ARHGAP17: variants seen among roughly 807,000 people sequenced by gnomAD.
The protein encoded by ARHGAP17 is rho GTPase-activating protein 17.
Under a neutral mutation model 99.5 loss-of-function variants are expected in ARHGAP17, and 57 were observed. That is an observed-to-expected ratio of 0.57 (90% CI 0.46 to 0.71). The LOEUF (loss-of-function observed/expected upper bound fraction) is 0.71, where lower values mean the gene tolerates loss of function less well. Ranked by LOEUF, ARHGAP17 falls within the 30% of genes least tolerant of loss-of-function variation. The pLI is 0.00. For synonymous variants in ARHGAP17, 417 were observed against 429.6 expected, an observed-to-expected ratio of 0.97 and a Z score of 0.36; for missense variants, 1,000 against 1,122.4, an observed-to-expected ratio of 0.89 and a Z score of 1.56.
chr16:24,945,652 C>A (rs1285853796), intron 14 of ARHGAP17, among the ~76,000 whole-genome samples: 2 of 152,204 alleles, frequency 1.3e-5, no homozygotes, highest in Non-Finnish European at 2.9e-5. Flanking sequence ...AGTAAAATTT[C>A]TTGCTCCTTT....
chr16:24,938,829 AC>A (rs2051221835), intron 17 of ARHGAP17, among the ~76,000 whole-genome samples: 1 of 151,792 alleles, frequency 6.6e-6, no homozygotes, highest in Admixed American at 6.6e-5. Context: ...TCCACCTTGG[AC>A]TCATGGATCA....
At chr16:24,976,526 C>T (rs1192891044) in intron 3 of ARHGAP17, among the ~76,000 whole-genome samples, 1 of 148,276 alleles carries the variant, frequency 6.7e-6, no homozygotes, top group Admixed American at 6.8e-5. Context: ...GAGACCCTGT[C>T]AGGAAAGAAA....
chr16:25,011,092 T>C (rs1211863520), intron 1 of ARHGAP17, among the ~76,000 whole-genome samples: 1 of 152,178 alleles, frequency 6.6e-6, no homozygotes, highest in East Asian at 1.9e-4. Context: ...ACTCAAGACA[T>C]CATCTCCCCA....
chr16:24,935,821 G>C (rs2051125089), intron 17 of ARHGAP17, 182 bp from the exon 18 acceptor site: 1 of 681,968 alleles, frequency 1.5e-6, no homozygotes, highest in Non-Finnish European at 2.5e-6. Flanking sequence ...GCCATATAAA[G>C]AGCTAATGTT....
rs1002745202 is a variant in ARHGAP17, at chr16:24,953,106, G to A, written c.853-64C>T. On this transcript the variant is annotated intron_variant, in intron 10 of 19. Coordinates refer to ENST00000289968, the MANE Select transcript of ARHGAP17 (RefSeq NM_001006634.3). ...TGGGACACTCAGACTAAGTGGCAGT[G>A]TGTTCTGATGGGTATTTCCTGACTT... 50 of 1,433,188 alleles carry A rather than the reference G, an allele frequency of 3.5e-5. 1 individual carries two copies. The highest frequency in any genetic ancestry group is 1.8e-4 in the Middle Eastern group (1 of 5,630). 88.8% of individuals were successfully genotyped at this position (1,433,188 alleles called of 1,614,324 possible). A position where few individuals can be genotyped will look rare whatever the true frequency, so the allele number is the denominator to read the frequency against.
rs772966565 is a variant in ARHGAP17 at position 24,943,832 on chromosome 16, G to A, written c.1272C>T (p.Ser424=). 1.5e-5 allele frequency: 25 copies of A among 1,614,018 alleles called. No homozygotes were observed. In the East Asian group the frequency reaches 1.6e-4, roughly 10 times the overall value. The change falls in exon 15 of 20, where the codon TCC becomes TCT. Residue 424 remains serine (S), a synonymous_variant. Transcript: ENST00000289968. The stretch of plus-strand genomic sequence containing the variant: ...GTTCAATCACTGCAACCACATGGAC[G>A]GATGTGGCTGCTGCCATTTCAGCAA... The part of the protein sequence containing the change: ...GTLAEMAAAT[S]VHVVAVIEPI...
At chr16:24,939,260 T>C (rs1166870039) in intron 17 of ARHGAP17, 104 bp downstream of exon 17, 2 of 1,071,268 alleles carry the variant, frequency 1.9e-6, no homozygotes, top group Non-Finnish European at 2.6e-6. Context: ...GTTCACTCCA[T>C]GCTGGAGCAG....
intron 19 of ARHGAP17, among the ~76,000 whole-genome samples, chr16:24,921,218 G>A (rs1484500443): frequency 1.3e-5 from 2 of 152,178 alleles, no homozygotes; most frequent in African/African-American, 2.4e-5. Context: ...CAGACCAAGG[G>A]GATCCTAATT....
At chr16:24,934,291 G>C (rs535962645) in intron 18 of ARHGAP17, among the ~76,000 whole-genome samples, 49 of 152,222 alleles carry the variant, frequency 3.2e-4, no homozygotes, top group African/African-American at 1.1e-3. Context: ...CTCTTGAGTA[G>C]CTGGGACCAC....
chr16:25,010,568 C>G (rs1052641339), intron 1 of ARHGAP17, among the ~76,000 whole-genome samples: 2 of 152,200 alleles, frequency 1.3e-5, no homozygotes, highest in African/African-American at 4.8e-5. Flanking sequence ...CTGAAAACAT[C>G]AGGGTAAGGT....
intron 19 of ARHGAP17, chr16:24,929,495 G>A (rs970063281): frequency 1.3e-5 from 9 of 691,958 alleles, no homozygotes; most frequent in East Asian, 1.3e-4. Flanking sequence ...CAGGGCACAC[G>A]GTCAAACGGC....
At chr16:24,962,156 C>T (rs953840059) in intron 7 of ARHGAP17, among the ~76,000 whole-genome samples, 2 of 151,544 alleles carry the variant, frequency 1.3e-5, no homozygotes, top group Admixed American at 6.6e-5. Flanking sequence ...TACACACACA[C>T]ACACAAAGAG....
intron 16 of ARHGAP17, 88 bp from the exon 17 acceptor site, chr16:24,939,685 A>G: frequency 7.2e-7 from 1 of 1,386,604 alleles, no homozygotes; most frequent in Non-Finnish European, 1.0e-6. Context: ...AAAACCACAC[A>G]TGGGGATAGC....
chr16:25,008,990 G>A (rs1005391798), intron 1 of ARHGAP17, among the ~76,000 whole-genome samples: 2 of 152,222 alleles, frequency 1.3e-5, no homozygotes, highest in Non-Finnish European at 2.9e-5. Flanking sequence ...GCTCTATGGA[G>A]AGGTTGATGG....
intron 7 of ARHGAP17, among the ~76,000 whole-genome samples, chr16:24,961,968 G>GTTTT (rs771302588): frequency 3.3e-4 from 35 of 105,726 alleles, no homozygotes; most frequent in African/African-American, 7.9e-4. Context: ...TGTAGAGAGA[G>GTTTT]TTTGTTTTTT....
chr16:25,004,994 A>C (rs1432071330), intron 1 of ARHGAP17, among the ~76,000 whole-genome samples: 1 of 152,236 alleles, frequency 6.6e-6, no homozygotes, highest in Non-Finnish European at 1.5e-5. Flanking sequence ...GGCTCACTGC[A>C]ACCTCGGCCT....
chr16:25,001,124 A>G (rs992730753), intron 1 of ARHGAP17, among the ~76,000 whole-genome samples: 1 of 152,250 alleles, frequency 6.6e-6, no homozygotes, highest in Non-Finnish European at 1.5e-5. Flanking sequence ...AACCAATTAA[A>G]TAAGGGATGA....
intron 6 of ARHGAP17, among the ~76,000 whole-genome samples, 178 bp from the exon 7 acceptor site, chr16:24,964,486 G>A (rs147109693): frequency 2.6e-5 from 4 of 152,330 alleles, no homozygotes; most frequent in Admixed American, 6.5e-5. Flanking sequence ...CAGGCAAAAG[G>A]AGACTTTAGC....
Position 24,931,371 on chromosome 16 carries a change from G to A in ARHGAP17, c.1928C>T (p.Pro643Leu), listed in dbSNP as rs138472461. The A allele has an allele frequency of 2.2e-5, 33 of 1,513,106 alleles. No homozygotes were observed. The African/African-American group carries it at 2.7e-4, about 12-fold the overall frequency. 93.7% of individuals were successfully genotyped at this position (1,513,106 alleles called of 1,614,324 possible). A position where few individuals can be genotyped will look rare whatever the true frequency, so the allele number is the denominator to read the frequency against. The change falls in exon 19 of 20, where the codon CCG becomes CTG. Residue 643 changes from proline to leucine, a missense_variant. Pro to Leu is a moderately conservative substitution (Grantham distance 98, BLOSUM62 -3). Transcript: ENST00000289968. Reference sequence around the variant, plus strand: ...GGGGTGGCCAGGAGGTGGGTTGCCCGGTTTCGGGGGTGCTGGAGCGGGTTT... The same window carrying A: ...GGGGTGGCCAGGAGGTGGGTTGCCCAGTTTCGGGGGTGCTGGAGCGGGTTT... ...VKKPAPAPPK[P>L]GNPPPGHPGG...
Sources: gnomAD v4.1 joint callset for allele counts (sites outside exome capture counted in the v4.1 genomes callset) on GRCh38, gnomAD v4.1.1 for gene constraint, MANE v1.5 for transcripts, NCBI Gene and HGNC (gene_info 2026-07-23, HGNC 2026-07-21) for gene names.